Variants in HECW2 observed in about 807,000 individuals in gnomAD.
The protein encoded by HECW2 is E3 ubiquitin-protein ligase HECW2.
In HECW2, 61 loss-of-function variants were observed where a neutral mutation model predicts 175.2. The ratio of observed to expected loss-of-function variants is 0.35; its 90% CI spans 0.28 to 0.43. The LOEUF is 0.43. Among genes scored for constraint, HECW2 ranks in the 20% least tolerant of loss-of-function variants. The pLI is 1.00. For missense variants in HECW2, 1,524 were observed against 2,000.5 expected (o/e 0.76, Z 4.54); for synonymous variants, 671 against 731.0 (o/e 0.92, Z 1.32).
intron 1 of HECW2, among the ~76,000 whole-genome samples, chr2:196,564,184 T>G (rs1276413694): frequency 6.6e-6 from 1 of 151,982 alleles, no homozygotes; most frequent in African/African-American, 2.4e-5. Flanking sequence ...ATCCAGAATA[T>G]AGAACATCCT....
intron 1 of HECW2, among the ~76,000 whole-genome samples, chr2:196,538,377 G>A (rs1201147215): frequency 6.6e-6 from 1 of 152,148 alleles, no homozygotes; most frequent in Non-Finnish European, 1.5e-5. Context: ...GGCAAACACT[G>A]AACTGCGGTG....
At chr2:196,495,625 A>G (rs1687363287) in intron 1 of HECW2, among the ~76,000 whole-genome samples, 1 of 152,224 alleles carries the variant, frequency 6.6e-6, no homozygotes, top group South Asian at 2.1e-4. Context: ...GGAAAAGGCC[A>G]GACAGCATGT....
At chr2:196,218,655 A>C (rs948319538) in intron 26 of HECW2, among the ~76,000 whole-genome samples, 1 of 152,166 alleles carries the variant, frequency 6.6e-6, no homozygotes, top group African/African-American at 2.4e-5. Flanking sequence ...TCTACTAAAA[A>C]TACAAAAATT....
intron 1 of HECW2, among the ~76,000 whole-genome samples, chr2:196,569,866 T>C (rs1413538405): frequency 6.6e-6 from 1 of 152,238 alleles, no homozygotes. Context: ...AAGTTATTAC[T>C]AATAAGGACA....
rs67209125 is a variant in HECW2, at chr2:196,235,110, TG to T, written c.3764+5338del. ...TAGGATTATTTTTGTATTTTTTTTT[TG>T]TTTTTAGACCCAGTCTCGCTCTGTC... On this transcript the variant is annotated intron_variant, in intron 21 of 28. Coordinates refer to ENST00000644978, the MANE Select transcript of HECW2 (RefSeq NM_001348768.2). Among the ~76,000 whole-genome samples the T allele has an allele frequency of 9.1e-3, 1,355 of 149,496 alleles. 31 individuals are homozygous for T. The highest frequency in any genetic ancestry group is 0.03 in the African/African-American group (1,228 of 40,990).
At chr2:196,216,491 T>A (rs6707519) in intron 27 of HECW2, among the ~76,000 whole-genome samples, 1 of 151,176 alleles carries the variant, frequency 6.6e-6, no homozygotes, top group East Asian at 1.9e-4. Flanking sequence ...TAGCTGCAAC[T>A]GATCAGTAAT....
intron 4 of HECW2, among the ~76,000 whole-genome samples, chr2:196,332,749 A>G (rs938695160): frequency 6.6e-5 from 10 of 152,212 alleles, no homozygotes; most frequent in African/African-American, 2.4e-4. Context: ...ATTTTTTTAA[A>G]GATTTTATTA....
chr2:196,477,929 G>A (rs1365740365), intron 1 of HECW2, among the ~76,000 whole-genome samples: 2 of 152,170 alleles, frequency 1.3e-5, no homozygotes, highest in African/African-American at 2.4e-5. Flanking sequence ...GCACGTGCCT[G>A]TAATTCCAGC....
chr2:196,433,965 A>T (rs1375547290), intron 1 of HECW2, among the ~76,000 whole-genome samples: 1 of 152,242 alleles, frequency 6.6e-6, no homozygotes, highest in Non-Finnish European at 1.5e-5. Flanking sequence ...AGCTTGCTCA[A>T]ATGTTACCTC....
chr2:196,282,625 G>A (rs1690229116), intron 14 of HECW2, among the ~76,000 whole-genome samples: 1 of 152,210 alleles, frequency 6.6e-6, no homozygotes, highest in Non-Finnish European at 1.5e-5. Context: ...TAAAGATCTG[G>A]AATCAATAGA....
chr2:196,556,027 A>G (rs1027138896), intron 1 of HECW2, among the ~76,000 whole-genome samples: 1 of 152,182 alleles, frequency 6.6e-6, no homozygotes, highest in Non-Finnish European at 1.5e-5. Flanking sequence ...GACCTCCCCA[A>G]GCAGGTCAGT....
Position 196,345,087 on chromosome 2 carries a change from A to G in HECW2, c.293-1323T>C, listed in dbSNP as rs1319983277. ...AGGTTCTTTACTGTGAAAGGCCAAG[A>G]AGCAGCCACTGTTCTTTATAAGAAT... On this transcript the variant is annotated intron_variant, in intron 2 of 28. Coordinates refer to ENST00000644978, the MANE Select transcript of HECW2 (RefSeq NM_001348768.2). Among the ~76,000 whole-genome samples the G allele has an allele frequency of 2.6e-5, 4 of 152,196 alleles. No individual in the cohort carries two copies. In the East Asian group the frequency reaches 7.7e-4, roughly 29 times the overall value.
At chr2:196,393,028 A>T (rs1221461467) in intron 2 of HECW2, among the ~76,000 whole-genome samples, 1 of 152,232 alleles carries the variant, frequency 6.6e-6, no homozygotes, top group African/African-American at 2.4e-5. Context: ...GATCTTTGAC[A>T]AACCTGACAA....
chr2:196,318,765 C>A lies in HECW2; in HGVS notation c.2125G>T (p.Val709Leu), dbSNP rs775606285. Residue 709 changes from valine to leucine, a missense_variant, in exon 9 of 29, where the codon GTG (valine) becomes TTG (leucine). By Grantham distance (32) the Val-to-Leu change is conservative (BLOSUM62 1). This residue lies in a region of HECW2 where 604 missense variants were observed against 588.3 expected (regional missense o/e 1.03). Coordinates refer to ENST00000644978, the MANE Select transcript of HECW2 (RefSeq NM_001348768.2). ...TCCTCCCCACTGGGCACCTGTACCA[C>A]AGGTAAAGAACCAGCAGTGCACACG... ...ESVCTAGSLP[V>L]VQVPSGEDEG... 1.0e-5 allele frequency: 16 copies of A among 1,527,406 alleles called. No individual in the cohort carries two copies. The highest frequency in any genetic ancestry group is 1.3e-5 in the Non-Finnish European group (15 of 1,136,604). 94.6% of individuals were successfully genotyped at this position (1,527,406 alleles called of 1,614,324 possible).
chr2:196,571,225 C>T (rs1231058537), intron 1 of HECW2, among the ~76,000 whole-genome samples: 1 of 152,144 alleles, frequency 6.6e-6, no homozygotes, highest in African/African-American at 2.4e-5. Flanking sequence ...TACTCATTTC[C>T]TAATCCCTGA....
chr2:196,523,110 G>A (rs1198902443), intron 1 of HECW2, among the ~76,000 whole-genome samples: 1 of 152,046 alleles, frequency 6.6e-6, no homozygotes, highest in Non-Finnish European at 1.5e-5. Flanking sequence ...CTACCCATGA[G>A]CATGGAATGT....
intron 1 of HECW2, among the ~76,000 whole-genome samples, chr2:196,559,939 G>A (rs1352606669): frequency 2.6e-5 from 4 of 152,100 alleles, no homozygotes; most frequent in Admixed American, 2.6e-4. Context: ...GTATCTGCAG[G>A]TACTTCACAA....
At position 196,196,263 on chromosome 2, in the gene HECW2, C is replaced by T. The variant is rs574999115; in HGVS notation, c.*5014G>A. The T allele has an allele frequency of 6.6e-6, 1 of 152,334 alleles. No individual in the cohort carries two copies. The highest frequency in any genetic ancestry group is 2.4e-5 in the African/African-American group (1 of 41,564). 9.4% of individuals were successfully genotyped at this position (152,334 alleles called of 1,614,324 possible). On this transcript the variant is annotated 3_prime_UTR_variant, in exon 29 of 29. Coordinates refer to ENST00000644978, the MANE Select transcript of HECW2 (RefSeq NM_001348768.2). ...TTTCCTCCTTTTTTATTTTTATCATCCTTTCAGTGGGCAGTAGCTGGCCTT... is the reference window on the plus strand; with the variant it reads ...TTTCCTCCTTTTTTATTTTTATCATTCTTTCAGTGGGCAGTAGCTGGCCTT...
chr2:196,201,662 C>T (rs576481929), intron 28 of HECW2, among the ~76,000 whole-genome samples: 1 of 152,086 alleles, frequency 6.6e-6, no homozygotes, highest in African/African-American at 2.4e-5. Flanking sequence ...TATAAATGAC[C>T]ATTTATTGAG....
Sources: allele counts gnomAD v4.1 joint callset (sites outside exome capture counted in the v4.1 genomes callset), GRCh38; gene constraint gnomAD v4.1.1; regional missense constraint gnomAD v4.1.1; transcripts MANE v1.5; gene names NCBI Gene and HGNC (gene_info 2026-07-23, HGNC 2026-07-21).